Variants in ADAM2 observed in about 807,000 individuals in gnomAD.
ADAM2 encodes the protein disintegrin and metalloproteinase domain-containing protein 2.
Under a neutral mutation model 99.3 loss-of-function variants are expected in ADAM2, and 101 were observed. That is an observed-to-expected ratio of 1.02 (90% CI 0.87 to 1.20). ADAM2 has a LOEUF of 1.20. Ranked by LOEUF, ADAM2 falls within the 50% of genes most tolerant of loss-of-function variation. The pLI is 0.00. For synonymous variants in ADAM2, 323 were observed against 287.6 expected (o/e 1.12, Z -1.25); for missense variants, 948 against 878.7 (o/e 1.08, Z -1.00).
intron 7 of ADAM2, among the ~76,000 whole-genome samples, chr8:39,799,996 C>T (rs1461642412): frequency 6.6e-6 from 1 of 152,130 alleles, no homozygotes; most frequent in Non-Finnish European, 1.5e-5. Flanking sequence ...CAGCTTGTGT[C>T]TTTTAATTGG....
Position 39,833,926 on chromosome 8 carries a change from A to C in ADAM2, c.188+18T>G, listed in dbSNP as rs762921683. On this transcript the variant is annotated intron_variant, in intron 3 of 20. Coordinates refer to ENST00000265708, the MANE Select transcript of ADAM2 (RefSeq NM_001464.5). ...AAGTAGAACAAAGAGAATTGATAAA[A>C]TAATGATGATTACCTACTTTTGCAT... 2.3e-6 allele frequency: 3 copies of C among 1,317,246 alleles called. No individual in the cohort carries two copies. In the Admixed American group the frequency reaches 5.4e-5, roughly 24 times the overall value. 81.6% of individuals were successfully genotyped at this position (1,317,246 alleles called of 1,614,324 possible). A position where few individuals can be genotyped will look rare whatever the true frequency, so the allele number is the denominator to read the frequency against.
intron 11 of ADAM2, among the ~76,000 whole-genome samples, chr8:39,770,451 C>T (rs1802737994): frequency 6.6e-6 from 1 of 152,130 alleles, no homozygotes; most frequent in South Asian, 2.1e-4. Flanking sequence ...ATTCCCAACA[C>T]TCTTGATTCT....
intron 7 of ADAM2, among the ~76,000 whole-genome samples, chr8:39,802,864 CT>C (rs1804276587): frequency 6.6e-6 from 1 of 152,106 alleles, no homozygotes; most frequent in African/African-American, 2.4e-5. Flanking sequence ...TTTTGTTTTT[CT>C]TTTGTTATTT....
intron 6 of ADAM2, among the ~76,000 whole-genome samples, chr8:39,810,053 G>C (rs547883045): frequency 2.0e-5 from 3 of 151,988 alleles, no homozygotes; most frequent in Non-Finnish European, 4.4e-5. Flanking sequence ...CATGTGCAGA[G>C]ACAAACATAA....
At chr8:39,750,238 G>T (rs779171720) in intron 16 of ADAM2, among the ~76,000 whole-genome samples, 2 of 152,040 alleles carry the variant, frequency 1.3e-5, no homozygotes, top group Non-Finnish European at 2.9e-5. Context: ...GAACCTTTGA[G>T]AAATCTAAAG....
At position 39,783,490 on chromosome 8, in the gene ADAM2, C is replaced by T. The variant is rs370689807; in HGVS notation, c.891+3484G>A. On this transcript the variant is annotated intron_variant, in intron 10 of 20. Coordinates refer to ENST00000265708, the MANE Select transcript of ADAM2 (RefSeq NM_001464.5). ...TTCCCCTTCATCATAATTAAATATT[C>T]CTCATTATTTCTTCTAGAACATCCT... 9.2e-5 allele frequency among the ~76,000 whole-genome samples: 14 copies of T among 152,040 alleles called. No homozygotes were observed. In the East Asian group the frequency reaches 2.1e-3, roughly 23 times the overall value.
chr8:39,804,926 T>C (rs908416998), intron 7 of ADAM2, among the ~76,000 whole-genome samples: 4 of 152,172 alleles, frequency 2.6e-5, no homozygotes, highest in African/African-American at 7.2e-5. Flanking sequence ...GGAGTGATCA[T>C]GATTGTCTTA....
intron 6 of ADAM2, among the ~76,000 whole-genome samples, chr8:39,810,784 A>C (rs1038560935): frequency 6.6e-6 from 1 of 152,218 alleles, no homozygotes; most frequent in East Asian, 1.9e-4. Flanking sequence ...CATTTAAAGC[A>C]GTGTGTAGAG....
intron 7 of ADAM2, among the ~76,000 whole-genome samples, chr8:39,795,104 G>A (rs1803883688): frequency 6.6e-6 from 1 of 152,038 alleles, no homozygotes; most frequent in Non-Finnish European, 1.5e-5. Context: ...GCTAAGTTAA[G>A]TTGAAGAATA....
chr8:39,801,794 C>CGCATACTG (rs1804225010), intron 7 of ADAM2, among the ~76,000 whole-genome samples: 1 of 152,108 alleles, frequency 6.6e-6, no homozygotes, highest in Non-Finnish European at 1.5e-5. Context: ...GCACGCTGGC[C>CGCATACTG]GCATACTGCC....
intron 7 of ADAM2, among the ~76,000 whole-genome samples, chr8:39,798,689 G>A (rs1316418350): frequency 6.6e-6 from 1 of 151,264 alleles, no homozygotes; most frequent in African/African-American, 2.4e-5. Context: ...TTGGTTGTCA[G>A]GCTATTAACT....
chr8:39,813,875 A>G (rs1486689409), intron 6 of ADAM2, among the ~76,000 whole-genome samples: 7 of 152,208 alleles, frequency 4.6e-5, no homozygotes, highest in African/African-American at 1.7e-4. Flanking sequence ...TATGGAAGAA[A>G]GCTGCACGTT....
At chr8:39,834,483 C>G (rs922558800) in intron 2 of ADAM2, among the ~76,000 whole-genome samples, 28 of 151,986 alleles carry the variant, frequency 1.8e-4, no homozygotes, top group Non-Finnish European at 5.9e-5. Flanking sequence ...GCCTATTATC[C>G]CAGCACTTTG....
intron 7 of ADAM2, among the ~76,000 whole-genome samples, chr8:39,803,035 C>G (rs942840708): frequency 2.0e-5 from 3 of 152,094 alleles, no homozygotes; most frequent in African/African-American, 7.2e-5. Flanking sequence ...GCAGCTATCC[C>G]CCACACAACA....
At chr8:39,748,086 C>G (rs1823548951) in intron 18 of ADAM2, among the ~76,000 whole-genome samples, 1 of 151,960 alleles carries the variant, frequency 6.6e-6, no homozygotes, top group African/African-American at 2.4e-5. Flanking sequence ...TTGAGGAGGG[C>G]TTATTAGATG....
chr8:39,782,979 C>T (rs1803295798), intron 10 of ADAM2, among the ~76,000 whole-genome samples: 1 of 152,044 alleles, frequency 6.6e-6, no homozygotes, highest in Non-Finnish European at 1.5e-5. Flanking sequence ...TCAAACTGAC[C>T]TTATTTTTAT....
In ADAM2 at chr8:39,802,376, C is replaced by CT. The variant is rs549703582; in HGVS notation, c.570+7033dup. On this transcript the variant is annotated intron_variant, in intron 7 of 20. Coordinates refer to ENST00000265708, the MANE Select transcript of ADAM2 (RefSeq NM_001464.5). ...TGAAGGATTCACAAGCCTCTTATGG[C>CT]TTTTTTTCAATGGGAGACTCCGAAT... Among the ~76,000 whole-genome samples, 1,330 of 152,288 alleles carry CT rather than the reference C, an allele frequency of 8.7e-3. 5 individuals are homozygous for CT. Among genetic ancestry groups the CT allele is most frequent in the Non-Finnish European group, 0.013 (862 of 68,014 alleles).
At chr8:39,788,780 G>T in intron 7 of ADAM2, 40 bp from the exon 8 acceptor site, 1 of 1,064,770 alleles carries the variant, frequency 9.4e-7, no homozygotes, top group Non-Finnish European at 1.3e-6. Context: ...AATATATATT[G>T]CTTAACATTT....
chr8:39,755,724 C>T lies in ADAM2; in HGVS notation c.1797+4G>A. 1.9e-6 allele frequency: 3 copies of T among 1,606,560 alleles called. No individual in the cohort carries two copies. Among genetic ancestry groups the T allele is most frequent in the Non-Finnish European group, 2.6e-6 (3 of 1,175,950 alleles). On this transcript the variant is annotated splice_donor_region_variant and intron_variant, in intron 16 of 20. Coordinates refer to ENST00000265708, the MANE Select transcript of ADAM2 (RefSeq NM_001464.5). Reference sequence around the variant, plus strand: ...AAATTATTTGGGAATAAAAGACTACCTACCTTATTTGAACCACAAGAAGTT... The same window carrying T: ...AAATTATTTGGGAATAAAAGACTACTTACCTTATTTGAACCACAAGAAGTT...
Sources: allele counts gnomAD v4.1 joint callset (sites outside exome capture counted in the v4.1 genomes callset), GRCh38; gene constraint gnomAD v4.1.1; transcripts MANE v1.5; gene names NCBI Gene and HGNC (gene_info 2026-07-23, HGNC 2026-07-21).